The following CACNA2D3 variants were observed in gnomAD, a reference collection of about 807,000 sequenced individuals.
CACNA2D3 encodes the protein calcium voltage-gated channel auxiliary subunit alpha2delta 3, also known as voltage-dependent calcium channel subunit alpha-2/delta-3.
CACNA2D3 carries 60 observed loss-of-function variants against 160.6 expected under a neutral mutation model. That is an observed-to-expected ratio of 0.37 (90% CI 0.30 to 0.46). The LOEUF is 0.46. CACNA2D3 is among the 20% of genes least tolerant of loss of function. CACNA2D3 has a pLI of 1.00. For missense variants in CACNA2D3, 1,205 were observed against 1,365.0 expected, an observed-to-expected ratio of 0.88 and a Z score of 1.85; for synonymous variants, 558 against 492.9, an observed-to-expected ratio of 1.13 and a Z score of -1.75.
At chr3:54,848,058 G>A (rs1431873670) in intron 17 of CACNA2D3, among the ~76,000 whole-genome samples, 1 of 152,178 alleles carries the variant, frequency 6.6e-6, no homozygotes, top group Non-Finnish European at 1.5e-5. Context: ...CTTTCTCTCT[G>A]TGGCAATGGA....
intron 14 of CACNA2D3, among the ~76,000 whole-genome samples, chr3:54,823,344 C>A (rs1703682707): frequency 6.6e-6 from 1 of 151,798 alleles, no homozygotes; most frequent in South Asian, 2.1e-4. Context: ...AGGAAAAAAA[C>A]AAAGTAAAAA....
intron 27 of CACNA2D3, among the ~76,000 whole-genome samples, chr3:54,923,094 G>T (rs1027007164): frequency 1.3e-5 from 2 of 152,132 alleles, no homozygotes; most frequent in East Asian, 3.9e-4. Context: ...GCAGCCTTTC[G>T]TCAGTTCTCC....
At chr3:54,485,666 C>G (rs1197258854) in intron 4 of CACNA2D3, among the ~76,000 whole-genome samples, 1 of 151,756 alleles carries the variant, frequency 6.6e-6, no homozygotes, top group Non-Finnish European at 1.5e-5. Flanking sequence ...TGGGTTCAAG[C>G]AATTCTTCTG....
intron 4 of CACNA2D3, among the ~76,000 whole-genome samples, chr3:54,463,998 C>T (rs1013924522): frequency 6.6e-6 from 1 of 152,180 alleles, no homozygotes; most frequent in African/African-American, 2.4e-5. Context: ...CATACAGGAC[C>T]CTCAGCTGCA....
chr3:54,223,468 A>G (rs904417018), intron 2 of CACNA2D3, among the ~76,000 whole-genome samples: 7 of 152,232 alleles, frequency 4.6e-5, no homozygotes, highest in African/African-American at 1.4e-4. Flanking sequence ...CAGGAGTGGA[A>G]TGAGGCAGTG....
chr3:55,007,863 T>G, intron 33 of CACNA2D3, 21 bp downstream of exon 33: 1 of 1,496,008 alleles, frequency 6.7e-7, no homozygotes, highest in Non-Finnish European at 8.9e-7. Flanking sequence ...TCTGCTGCAT[T>G]TTTTTGAAAA....
At chr3:54,372,507 A>G (rs1295319224) in intron 3 of CACNA2D3, among the ~76,000 whole-genome samples, 1 of 152,198 alleles carries the variant, frequency 6.6e-6, no homozygotes, top group Non-Finnish European at 1.5e-5. Flanking sequence ...TGAGCATTGT[A>G]TAGATACCAG....
chr3:54,885,458 G>A, intron 22 of CACNA2D3, 31 bp from the exon 23 acceptor site: 2 of 1,602,452 alleles, frequency 1.2e-6, no homozygotes, highest in South Asian at 1.1e-5. Flanking sequence ...ATATTGACAT[G>A]CTCTTGTTTT....
chr3:54,359,760 A>G (rs187359809), intron 3 of CACNA2D3, among the ~76,000 whole-genome samples: 154 of 152,346 alleles, frequency 1.0e-3, no homozygotes, highest in African/African-American at 3.2e-3. Context: ...GCACTTCCCA[A>G]GCACTTGTTA....
At chr3:54,451,876 C>T (rs1575462185) in intron 4 of CACNA2D3, among the ~76,000 whole-genome samples, 1 of 152,120 alleles carries the variant, frequency 6.6e-6, no homozygotes, top group African/African-American at 2.4e-5. Flanking sequence ...CCATTTGATA[C>T]CAAGGCAAAT....
intron 2 of CACNA2D3, among the ~76,000 whole-genome samples, chr3:54,181,297 T>A (rs1700778144): frequency 6.6e-6 from 1 of 152,212 alleles, no homozygotes; most frequent in Admixed American, 6.5e-5. Context: ...TATTTAGCAG[T>A]AACAACAACC....
chr3:54,479,717 A>G lies in CACNA2D3; in HGVS notation c.382-23775A>G, dbSNP rs569609766. Among the ~76,000 whole-genome samples the G allele has an allele frequency of 7.4e-4, 112 of 152,316 alleles. 2 individuals are homozygous for G. In the Middle Eastern group the frequency reaches 0.01, roughly 14 times the overall value. On this transcript the variant is annotated intron_variant, in intron 4 of 37. Coordinates refer to ENST00000474759, the MANE Select transcript of CACNA2D3 (RefSeq NM_018398.3). ...GAAATGTCATGACAGACACAATTTT[A>G]CTATACAGTTTCATGGAAAGAAGTT...
At chr3:54,344,220 C>T (rs1698416126) in intron 3 of CACNA2D3, among the ~76,000 whole-genome samples, 2 of 152,170 alleles carry the variant, frequency 1.3e-5, no homozygotes, top group South Asian at 4.1e-4. Flanking sequence ...TAGGCTCCCT[C>T]CTCTGTTCCA....
intron 2 of CACNA2D3, among the ~76,000 whole-genome samples, chr3:54,276,916 C>T (rs907996154): frequency 6.6e-6 from 1 of 152,244 alleles, no homozygotes; most frequent in Admixed American, 6.5e-5. Context: ...TGACTGTACA[C>T]TGTGGTTGTT....
At chr3:55,038,739 A>C (rs569049482) in intron 35 of CACNA2D3, among the ~76,000 whole-genome samples, 34 of 151,784 alleles carry the variant, frequency 2.2e-4, no homozygotes, top group Non-Finnish European at 4.1e-4. Context: ...CCACCTTGAG[A>C]GGCACTCAGG....
At chr3:54,760,474 TA>T (rs1314873351) in intron 12 of CACNA2D3, among the ~76,000 whole-genome samples, 1 of 151,992 alleles carries the variant, frequency 6.6e-6, no homozygotes, top group African/African-American at 2.4e-5. Context: ...GAGGTCAGGG[TA>T]AGACATCTGG....
chr3:54,467,762 T>C (rs1366202051), intron 4 of CACNA2D3, among the ~76,000 whole-genome samples: 8 of 152,152 alleles, frequency 5.3e-5, no homozygotes, highest in Non-Finnish European at 1.2e-4. Context: ...GATTGGTTGA[T>C]AGGTACGAAC....
intron 13 of CACNA2D3, among the ~76,000 whole-genome samples, chr3:54,782,241 C>T (rs1702550659): frequency 6.6e-6 from 1 of 152,166 alleles, no homozygotes; most frequent in South Asian, 2.1e-4. Context: ...ACATTTGTAT[C>T]AAAACATCTA....
chr3:55,010,143 TAG>T (rs1425084019), intron 34 of CACNA2D3, among the ~76,000 whole-genome samples: 3 of 152,058 alleles, frequency 2.0e-5, no homozygotes, highest in Admixed American at 6.5e-5. Flanking sequence ...CAAAAAATAG[TAG>T]CAATACTGCA....
Sources: allele counts gnomAD v4.1 joint callset (sites outside exome capture counted in the v4.1 genomes callset), GRCh38; gene constraint gnomAD v4.1.1; transcripts MANE v1.5; gene names NCBI Gene and HGNC (gene_info 2026-07-23, HGNC 2026-07-21).